Variants in CCDC47 observed in about 807,000 individuals in gnomAD.
CCDC47 encodes the protein coiled-coil domain containing 47.
In CCDC47, 41 loss-of-function variants were observed where a neutral mutation model predicts 60.5. That is an observed-to-expected ratio of 0.68 (90% CI 0.53 to 0.88). CCDC47 has a LOEUF of 0.88. CCDC47 is among the 40% of genes least tolerant of loss of function. CCDC47 has a pLI of 0.00. For missense variants in CCDC47, 513 were observed against 580.9 expected, an observed-to-expected ratio of 0.88 and a Z score of 1.20; for synonymous variants, 195 against 190.7, an observed-to-expected ratio of 1.02 and a Z score of -0.18.
intron 2 of CCDC47, 91 bp from the exon 3 acceptor site, chr17:63,764,938 G>T: frequency 1.3e-6 from 2 of 1,533,148 alleles, no homozygotes; most frequent in Non-Finnish European, 1.7e-6. Context: ...GGGAAAACAA[G>T]AACGTGTAAG....
chr17:63,753,723 G>A (rs904834142), intron 9 of CCDC47: 7 of 684,166 alleles, frequency 1.0e-5, no homozygotes, highest in African/African-American at 3.9e-5. Flanking sequence ...ATTCAAAGAG[G>A]GAAGCCAGAA....
intron 12 of CCDC47, chr17:63,747,324 A>G (rs755678629): frequency 5.3e-5 from 52 of 983,880 alleles, no homozygotes; most frequent in African/African-American, 7.0e-5. Flanking sequence ...TCATAAATGT[A>G]TAACTGCCAG....
intron 8 of CCDC47, 73 bp from the exon 9 acceptor site, chr17:63,754,591 C>G: frequency 1.0e-6 from 1 of 981,794 alleles, no homozygotes; most frequent in Non-Finnish European, 1.6e-6. Context: ...AAGATATTCA[C>G]TCTTTGAGAT....
chr17:63,758,404 T>G (rs2039223933), intron 6 of CCDC47, among the ~76,000 whole-genome samples: 1 of 152,034 alleles, frequency 6.6e-6, no homozygotes, highest in African/African-American at 2.4e-5. Context: ...CTGGGCACAG[T>G]GGCTCATGCC....
chr17:63,748,053 C>T (rs2039133678), intron 12 of CCDC47, among the ~76,000 whole-genome samples: 2 of 147,838 alleles, frequency 1.4e-5, no homozygotes, highest in Non-Finnish European at 2.9e-5. Flanking sequence ...CGGGGTTTCA[C>T]CATGTTGGCC....
rs1366148743 is a variant in CCDC47 at position 63,764,161 on chromosome 17, C to T, written c.402G>A (p.Glu134=). The change falls in exon 4 of 13, where the codon GAG becomes GAA. Residue 134 remains glutamate, a synonymous_variant. Coordinates refer to ENST00000225726, the MANE Select transcript of CCDC47 (RefSeq NM_020198.3). ...CCATCAAAATTTCTAGATAATAACT[C>T]TCCCAGCTGTTCTGGAGGTGTGCAG... ...DVPAHLQNSW[E]SYYLEILMVT... is the part of the protein sequence containing the mutation. 1.9e-6 allele frequency: 3 copies of T among 1,611,224 alleles called. No individual in the cohort carries two copies. The highest frequency in any genetic ancestry group is 1.3e-5 in the African/African-American group (1 of 74,910).
chr17:63,753,634 T>C (rs1416932318), intron 9 of CCDC47: 1 of 982,884 alleles, frequency 1.0e-6, no homozygotes, highest in East Asian at 1.1e-4. Context: ...TATGTACTCC[T>C]GAACAGTATT....
chr17:63,752,339 T>C lies in CCDC47; in HGVS notation c.1184A>G (p.Lys395Arg), dbSNP rs777205367. The part of the protein sequence containing the change: ...MVIYSIDKAK[K>R]FRLNREGKQK... ...TCTTACTTCTCTGTTGAGTCGGAAC[T>C]TTTTGGCTTTATCAATAGAATAAAT... The change falls in exon 11 of 13, where the codon AAG (lysine) becomes AGG (arginine). Residue 395 changes from lysine (K) to arginine (R), a missense_variant. Coordinates refer to ENST00000225726, the MANE Select transcript of CCDC47 (RefSeq NM_020198.3). 4 of 1,613,070 alleles carry C rather than the reference T, an allele frequency of 2.5e-6. No individual in the cohort carries two copies. Among genetic ancestry groups the C allele is most frequent in the Non-Finnish European group, 3.4e-6 (4 of 1,179,122 alleles).
chr17:63,761,696 C>CAA (rs11429721), intron 4 of CCDC47: 12,573 of 260,294 alleles, frequency 0.048, 235 homozygotes, highest in African/African-American at 0.1. Context: ...GACTCTGTCT[C>CAA]AAAAAAAAAA....
rs771460593 is a variant in CCDC47, at chr17:63,761,313, T to G, written c.586A>C (p.Lys196Gln). The G allele has an allele frequency of 2.5e-6, 4 of 1,613,916 alleles. No homozygotes were observed. Among genetic ancestry groups the G allele is most frequent in the Non-Finnish European group, 8.5e-7 (1 of 1,179,976 alleles). ...ATGTGCTCATTCTCCTGGTTCAACT[T>G]TCCTGTGCTTGTGGCTTCTTTGTTA... The part of the protein sequence containing the change: ...GTNKEATSTG[K>Q]LNQENEHIYN... Residue 196 changes from lysine (K) to glutamine (Q), a missense_variant, in exon 5 of 13, where the codon AAG becomes CAG. Physicochemically the swap from Lys to Gln is moderately conservative, Grantham distance 53. Transcript: ENST00000225726.
At chr17:63,751,908 G>A (rs772046967) in intron 12 of CCDC47, 32 bp downstream of exon 12, 5 of 1,610,676 alleles carry the variant, frequency 3.1e-6, no homozygotes, top group Non-Finnish European at 3.4e-6. Flanking sequence ...CTTACAAATC[G>A]TAGTTTTACC....
intron 1 of CCDC47, chr17:63,772,968 T>A (rs1319920871): frequency 6.6e-6 from 1 of 152,254 alleles, no homozygotes; most frequent in Non-Finnish European, 1.5e-5. Context: ...CGACTGAGTC[T>A]AGACTTGAGG....
rs2039279547 is a variant in CCDC47, at chr17:63,763,998, G to A, written c.547+18C>T. The A allele has an allele frequency of 6.4e-7, 1 of 1,563,860 alleles. No individual in the cohort carries two copies. Among genetic ancestry groups the A allele is most frequent in the South Asian group, 1.2e-5 (1 of 82,088 alleles). On this transcript the variant is annotated intron_variant, in intron 4 of 12. Coordinates refer to ENST00000225726, the MANE Select transcript of CCDC47 (RefSeq NM_020198.3). ...TTGTTTTCAAGCAAGAAGCTGGGCT[G>A]ACATTGGCCTCACTTACCCACTAAA...
chr17:63,752,395 C>T lies in CCDC47; in HGVS notation c.1128G>A (p.Met376Ile). 1 of 1,613,828 alleles carries T rather than the reference C, an allele frequency of 6.2e-7. No homozygotes were observed. Among genetic ancestry groups the T allele is most frequent in the Non-Finnish European group, 8.5e-7 (1 of 1,179,828 alleles). The change falls in exon 11 of 13, where the codon ATG (methionine) becomes ATA (isoleucine). Residue 376 changes from methionine (M) to isoleucine (I), a missense_variant. By Grantham distance (10) the Met-to-Ile change is conservative. Coordinates refer to ENST00000225726, the MANE Select transcript of CCDC47 (RefSeq NM_020198.3). The stretch of plus-strand genomic sequence containing the variant: ...TGTTCATCAGGGGTAGCAGTGCCTC[C>T]ATATCCTTTGGGTAAGTGTTACCTG... ...PGSGNTYPKD[M>I]EALLPLMNMV...
chr17:63,772,446 G>A (rs1279514617), intron 1 of CCDC47, among the ~76,000 whole-genome samples: 3 of 151,878 alleles, frequency 2.0e-5, no homozygotes, highest in Admixed American at 1.3e-4. Context: ...GTAGAGACGG[G>A]GTTTCACTGT....
At chr17:63,764,930 G>A in intron 2 of CCDC47, 83 bp from the exon 3 acceptor site, 1 of 1,540,868 alleles carries the variant, frequency 6.5e-7, no homozygotes, top group Non-Finnish European at 8.7e-7. Context: ...ATTTGTTGGG[G>A]AAAACAAGAA....
chr17:63,750,484 C>T (rs1463751197), intron 12 of CCDC47, among the ~76,000 whole-genome samples: 1 of 152,152 alleles, frequency 6.6e-6, no homozygotes, highest in Non-Finnish European at 1.5e-5. Flanking sequence ...CGCACAGCAG[C>T]TCACATTTTC....
intron 12 of CCDC47, among the ~76,000 whole-genome samples, chr17:63,748,404 C>T (rs8066719): frequency 0.27 from 40,623 of 151,874 alleles, 5,670 homozygotes; most frequent in Middle Eastern, 0.37. Flanking sequence ...TGAGCCACCG[C>T]GCCCGGCCTA....
At position 63,751,925 on chromosome 17, in the gene CCDC47, A is replaced by G. The variant is rs1305095946; in HGVS notation, c.1371+15T>C. On this transcript the variant is annotated intron_variant, in intron 12 of 12. Coordinates refer to ENST00000225726, the MANE Select transcript of CCDC47 (RefSeq NM_020198.3). The stretch of plus-strand genomic sequence containing the variant: ...TACAAATCGTAGTTTTACCCCAGTG[A>G]TAAGTTTGTCTAACCTCCAGCCTGC... 6.2e-7 allele frequency: 1 copy of G among 1,613,572 alleles called. No individual in the cohort carries two copies. Among genetic ancestry groups the G allele is most frequent in the Non-Finnish European group, 8.5e-7 (1 of 1,179,900 alleles).
Sources: gnomAD v4.1 joint callset for allele counts (sites outside exome capture counted in the v4.1 genomes callset) on GRCh38, gnomAD v4.1.1 for gene constraint, MANE v1.5 for transcripts, NCBI Gene and HGNC (gene_info 2026-07-23, HGNC 2026-07-21) for gene names.